The following BBS9 variants were observed in gnomAD, a reference collection of about 807,000 sequenced individuals.
BBS9 encodes protein PTHB1.
In BBS9, 89 loss-of-function variants were observed where a neutral mutation model predicts 117.7. That is an observed-to-expected ratio of 0.76 (90% CI 0.64 to 0.90). BBS9 has a LOEUF of 0.90. Ranked by LOEUF, BBS9 falls within the 40% of genes least tolerant of loss-of-function variation. The pLI is 0.00. For synonymous variants in BBS9, 379 were observed against 370.9 expected, an observed-to-expected ratio of 1.02 and a Z score of -0.25; for missense variants, 982 against 1,042.2, an observed-to-expected ratio of 0.94 and a Z score of 0.80.
intron 3 of BBS9, among the ~76,000 whole-genome samples, chr7:33,154,478 A>C (rs1324058675): frequency 2.6e-5 from 4 of 151,904 alleles, no homozygotes. Context: ...ATTTTGTTTT[A>C]TTTTGAGGCG....
chr7:33,509,856 G>A (rs898266175), intron 20 of BBS9, among the ~76,000 whole-genome samples: 3 of 152,154 alleles, frequency 2.0e-5, no homozygotes, highest in African/African-American at 7.2e-5. Context: ...TATATTGTCA[G>A]TATTTTGTTT....
At chr7:33,138,470 A>T (rs1790909133) in intron 1 of BBS9, among the ~76,000 whole-genome samples, 2 of 150,920 alleles carry the variant, frequency 1.3e-5, no homozygotes, top group South Asian at 4.2e-4. Flanking sequence ...TTTGGGGAGG[A>T]TGAGATTCAA....
chr7:33,611,286 T>G (rs1367639367), intron 21 of BBS9, among the ~76,000 whole-genome samples: 1 of 151,708 alleles, frequency 6.6e-6, no homozygotes, highest in Non-Finnish European at 1.5e-5. Flanking sequence ...TGAAGAACAG[T>G]TGGAACTAAA....
chr7:33,490,237 A>G (rs1210291846), intron 19 of BBS9, among the ~76,000 whole-genome samples: 3 of 152,204 alleles, frequency 2.0e-5, no homozygotes, highest in Admixed American at 1.3e-4. Context: ...GGACATTTCA[A>G]GAAAAGATCT....
At chr7:33,232,227 T>C (rs2128260576) in intron 5 of BBS9, among the ~76,000 whole-genome samples, 1 of 152,288 alleles carries the variant, frequency 6.6e-6, no homozygotes, top group African/African-American at 2.4e-5. Context: ...GATTTAGTTA[T>C]CATAGTCAGA....
chr7:33,617,427 A>G (rs974299980), intron 21 of BBS9, among the ~76,000 whole-genome samples: 2 of 152,098 alleles, frequency 1.3e-5, no homozygotes, highest in Admixed American at 6.6e-5. Flanking sequence ...CTGTAATGAT[A>G]AAGAGGTCAG....
At chr7:33,384,555 C>A (rs942330105) in intron 18 of BBS9, among the ~76,000 whole-genome samples, 1 of 152,038 alleles carries the variant, frequency 6.6e-6, no homozygotes, top group Non-Finnish European at 1.5e-5. Context: ...CCCATGTATT[C>A]CAGTCATCAG....
chr7:33,158,409 CA>C (rs1177963340), intron 4 of BBS9, among the ~76,000 whole-genome samples: 1 of 152,126 alleles, frequency 6.6e-6, no homozygotes, highest in Non-Finnish European at 1.5e-5. Flanking sequence ...TATCCCAGGG[CA>C]AAACCTATGC....
rs906976642 is a variant in BBS9, at chr7:33,361,253, T to C, written c.1693+3258T>C. Among the ~76,000 whole-genome samples, 9 of 152,360 alleles carry C rather than the reference T, an allele frequency of 5.9e-5. No individual in the cohort carries two copies. In the South Asian group the frequency reaches 1.2e-3, roughly 21 times the overall value. On this transcript the variant is annotated intron_variant, in intron 16 of 22. Coordinates refer to ENST00000242067, the MANE Select transcript of BBS9 (RefSeq NM_198428.3). ...GTATGTCACAATACCAGTAGTTTTA[T>C]ACAAAAATTTTACTTAAATGTAATA... is the stretch of plus-strand genomic sequence containing the variant.
At chr7:33,372,626 T>C (rs1014467973) in intron 17 of BBS9, among the ~76,000 whole-genome samples, 2 of 152,196 alleles carry the variant, frequency 1.3e-5, no homozygotes, top group African/African-American at 2.4e-5. Context: ...TCTTTTGTTA[T>C]GTCCTTATCT....
At chr7:33,459,795 C>G (rs1230127981) in intron 19 of BBS9, among the ~76,000 whole-genome samples, 1 of 152,036 alleles carries the variant, frequency 6.6e-6, no homozygotes, top group Non-Finnish European at 1.5e-5. Context: ...TTTTTAAACT[C>G]CAAAATCTAA....
intron 19 of BBS9, among the ~76,000 whole-genome samples, chr7:33,427,703 A>C (rs555530107): frequency 6.6e-6 from 1 of 152,166 alleles, no homozygotes; most frequent in Non-Finnish European, 1.5e-5. Context: ...GTAATCATTC[A>C]TATTATTCAG....
chr7:33,446,488 C>T (rs1450521885), intron 19 of BBS9, among the ~76,000 whole-genome samples: 1 of 152,108 alleles, frequency 6.6e-6, no homozygotes, highest in Admixed American at 6.5e-5. Context: ...AGTCTAAAAG[C>T]AGGCAAACAT....
At chr7:33,516,814 G>A (rs757848613) in intron 20 of BBS9, among the ~76,000 whole-genome samples, 5 of 152,226 alleles carry the variant, frequency 3.3e-5, no homozygotes, top group Non-Finnish European at 7.3e-5. Flanking sequence ...CCTAACATAG[G>A]AAATTTAGGT....
intron 5 of BBS9, among the ~76,000 whole-genome samples, chr7:33,205,599 T>C (rs997520164): frequency 3.3e-5 from 5 of 152,194 alleles, no homozygotes; most frequent in African/African-American, 1.2e-4. Context: ...AAACCAGGTC[T>C]GTGTATTTTT....
intron 19 of BBS9, among the ~76,000 whole-genome samples, chr7:33,417,935 G>C (rs577062620): frequency 2.6e-5 from 4 of 152,282 alleles, no homozygotes; most frequent in African/African-American, 9.6e-5. Flanking sequence ...CAAGGGTTAA[G>C]CCTGGTGATT....
At position 33,460,854 on chromosome 7, in the gene BBS9, A is replaced by C. The variant is rs568007055; in HGVS notation, c.2116-44609A>C. Among the ~76,000 whole-genome samples the C allele has an allele frequency of 2.0e-4, 31 of 152,134 alleles. 1 individual carries two copies. In the South Asian group the frequency reaches 6.2e-3, roughly 30 times the overall value. ...GTTCTAAACCATTTCCATCACTCCA[A>C]AGTAAAACGCCTTACCCAATAAGCA... On this transcript the variant is annotated intron_variant, in intron 19 of 22. Transcript: ENST00000242067.
intron 9 of BBS9, among the ~76,000 whole-genome samples, chr7:33,335,353 G>A (rs1317283444): frequency 1.3e-5 from 2 of 152,042 alleles, no homozygotes; most frequent in Admixed American, 1.3e-4. Context: ...TTGTGCTACT[G>A]TGCCCAATTT....
intron 9 of BBS9, among the ~76,000 whole-genome samples, chr7:33,304,298 T>C (rs1807335958): frequency 6.8e-6 from 1 of 146,268 alleles, no homozygotes; most frequent in Non-Finnish European, 1.5e-5. Context: ...GAGGAGCGCC[T>C]CTGCCCGGCC....
Sources: gnomAD v4.1 joint callset for allele counts (sites outside exome capture counted in the v4.1 genomes callset) on GRCh38, gnomAD v4.1.1 for gene constraint, MANE v1.5 for transcripts, NCBI Gene and HGNC (gene_info 2026-07-23, HGNC 2026-07-21) for gene names.